Variants in ANKAR observed in about 807,000 individuals in gnomAD.
The protein encoded by ANKAR is ankyrin and armadillo repeat containing.
In ANKAR, 136 loss-of-function variants were observed where a neutral mutation model predicts 146.2. The ratio of observed to expected loss-of-function variants is 0.93; its 90% CI spans 0.81 to 1.07. ANKAR has a LOEUF of 1.07. Ranked by LOEUF, ANKAR falls within the 50% of genes least tolerant of loss-of-function variation. The probability of loss-of-function intolerance (pLI) is 0.00; values close to 1 mark genes in which losing one functional copy is unlikely to be tolerated. For synonymous variants in ANKAR, 500 were observed against 575.8 expected (o/e 0.87, Z 1.88); for missense variants, 1,567 against 1,679.9 (o/e 0.93, Z 1.18).
chr2:189,711,050 A>C lies in ANKAR; in HGVS notation c.2121A>C (p.Glu707Asp). The C allele has an allele frequency of 1.2e-6, 2 of 1,610,358 alleles. No individual in the cohort carries two copies. Among genetic ancestry groups the C allele is most frequent in the Non-Finnish European group, 1.7e-6 (2 of 1,178,328 alleles). ...PELPVWKTLV[E>D]MLQCESYKRR... ...GTTTTTCTGTTGAACACTTAACAGAAATGTTACAGTGTGAAAGCTATAAAC... is the reference window on the plus strand; with the variant it reads ...GTTTTTCTGTTGAACACTTAACAGACATGTTACAGTGTGAAAGCTATAAAC... Residue 707 changes from glutamate (E) to aspartate (D), a missense_variant and splice_region_variant, in exon 10 of 23, where the codon GAA becomes GAC. Physicochemically the swap from Glu to Asp is conservative, Grantham distance 45. Coordinates refer to ENST00000684021, the MANE Select transcript of ANKAR (RefSeq NM_001378068.1).
At chr2:189,753,918 G>T in intron 18 of ANKAR, 1 of 1,613,150 alleles carries the variant, frequency 6.2e-7, no homozygotes, top group Non-Finnish European at 8.5e-7. Flanking sequence ...AAACTTACCA[G>T]TACTGCATTA....
intron 12 of ANKAR, among the ~76,000 whole-genome samples, chr2:189,723,415 T>C (rs1256811487): frequency 6.6e-6 from 1 of 152,188 alleles, no homozygotes; most frequent in Non-Finnish European, 1.5e-5. Context: ...TCCTGTTCTG[T>C]GTTAATAACA....
intron 10 of ANKAR, among the ~76,000 whole-genome samples, chr2:189,718,348 A>G (rs905271516): frequency 2.0e-5 from 2 of 100,474 alleles, no homozygotes; most frequent in Admixed American, 1.3e-4. Flanking sequence ...CTAGCTATCT[A>G]TCTACACACA....
intron 20 of ANKAR, among the ~76,000 whole-genome samples, chr2:189,742,905 GACACACACACACACACACACAC>G (rs397987025): frequency 0.024 from 791 of 33,498 alleles, 11 homozygotes; most frequent in South Asian, 0.035. Context: ...AGAATTACCT[GACACACACACACACACACACAC>G]ACACACACAC....
rs370895493 is a variant in ANKAR at position 189,754,374 on chromosome 2, A to G, written c.*585-6724A>G. 2.8e-5 allele frequency: 43 copies of G among 1,544,854 alleles called. No homozygotes were observed. In the East Asian group the frequency reaches 3.2e-4, roughly 11 times the overall value. On this transcript the variant is annotated intron_variant and NMD_transcript_variant, in intron 18 of 18. Transcript: ENST00000441800. ...TCAAAGAAACATATTTTTTAGAGTC[A>G]TAAAATTAAATACTGTGAAACGAAA...
Position 189,746,390 on chromosome 2 carries a change from C to T in ANKAR, c.4068C>T (p.His1356=). ...IIPIFKRGKE[H]RRKLKPKIQP... ...GTGGCTAATTTTTAGGGAAGGAGCACCGAAGAAAATTAAAACCTAAAATTC... is the reference window on the plus strand; with the variant it reads ...GTGGCTAATTTTTAGGGAAGGAGCATCGAAGAAAATTAAAACCTAAAATTC... The change falls in exon 23 of 23, where the codon CAC becomes CAT. Residue 1356 remains histidine, a synonymous_variant. Coordinates refer to ENST00000684021, the MANE Select transcript of ANKAR (RefSeq NM_001378068.1). 1 of 1,604,920 alleles carries T rather than the reference C, an allele frequency of 6.2e-7. No individual in the cohort carries two copies. Among genetic ancestry groups the T allele is most frequent in the Non-Finnish European group, 8.5e-7 (1 of 1,177,514 alleles).
intron 18 of ANKAR, 49 bp from the exon 19 acceptor site, chr2:189,738,516 A>AATTACAC (rs763027749): frequency 8.9e-7 from 1 of 1,121,336 alleles, no homozygotes; most frequent in African/African-American, 1.6e-5. Context: ...TAATTAGAGA[A>AATTACAC]GCTGAGTAGA....
At chr2:189,700,204 C>T (rs1047122809) in intron 7 of ANKAR, among the ~76,000 whole-genome samples, 2 of 152,122 alleles carry the variant, frequency 1.3e-5, no homozygotes, top group African/African-American at 4.8e-5. Context: ...CTTTATTCCT[C>T]ATTCACTTTT....
intron 10 of ANKAR, among the ~76,000 whole-genome samples, chr2:189,716,093 A>G (rs940118374): frequency 1.3e-5 from 2 of 151,870 alleles, no homozygotes; most frequent in East Asian, 2.0e-4. Flanking sequence ...GGCCAGGGCA[A>G]TCAGGCAAGA....
At chr2:189,740,819 G>A (rs1211307491) in intron 19 of ANKAR, among the ~76,000 whole-genome samples, 3 of 151,728 alleles carry the variant, frequency 2.0e-5, no homozygotes, top group East Asian at 1.9e-4. Flanking sequence ...TCAGCCTCCC[G>A]AGTAGCTGGG....
chr2:189,689,491 T>C (rs764126893), intron 2 of ANKAR, 36 bp from the exon 3 acceptor site: 9 of 1,496,142 alleles, frequency 6.0e-6, no homozygotes, highest in Non-Finnish European at 8.1e-6. Context: ...AATATGAAAT[T>C]TTCACTATCT....
downstream of ANKAR, chr2:189,762,741 G>T (rs1338613736): frequency 2.0e-6 from 2 of 985,464 alleles, no homozygotes; most frequent in African/African-American, 1.7e-5. Flanking sequence ...AAAGACTGTC[G>T]ACTGCCCTTA....
At chr2:189,730,260 T>C (rs2042285286) in intron 15 of ANKAR, among the ~76,000 whole-genome samples, 1 of 152,238 alleles carries the variant, frequency 6.6e-6, no homozygotes, top group South Asian at 2.1e-4. Context: ...TTCCTTTGCT[T>C]TGTGACTTTT....
chr2:189,761,925 A>C (rs1454917537), downstream of ANKAR, among the ~76,000 whole-genome samples: 1 of 152,192 alleles, frequency 6.6e-6, no homozygotes, highest in Non-Finnish European at 1.5e-5. Context: ...TAAGACAGCT[A>C]ATATAAAGTA....
chr2:189,751,075 T>G (rs1041733244), downstream of ANKAR, among the ~76,000 whole-genome samples: 1 of 152,228 alleles, frequency 6.6e-6, no homozygotes, highest in Non-Finnish European at 1.5e-5. Flanking sequence ...CTCTGAAGTT[T>G]CAAAAGCTGC....
intron 7 of ANKAR, among the ~76,000 whole-genome samples, chr2:189,702,524 C>T (rs2038225147): frequency 6.6e-6 from 1 of 152,160 alleles, no homozygotes; most frequent in Non-Finnish European, 1.5e-5. Flanking sequence ...CCATTTGTCT[C>T]TCCAATTTTG....
intron 18 of ANKAR, among the ~76,000 whole-genome samples, chr2:189,758,803 T>C (rs1416914798): frequency 1.3e-5 from 2 of 152,132 alleles, no homozygotes; most frequent in East Asian, 3.8e-4. Flanking sequence ...CACAAGCAAA[T>C]GTATAAATTG....
intron 18 of ANKAR, chr2:189,755,280 G>A: frequency 6.2e-7 from 1 of 1,613,026 alleles, no homozygotes; most frequent in South Asian, 1.1e-5. Context: ...GAAATCAAAA[G>A]AACTAAAAAA....
At chr2:189,757,718 C>T (rs2046292832) in intron 18 of ANKAR, among the ~76,000 whole-genome samples, 1 of 152,154 alleles carries the variant, frequency 6.6e-6, no homozygotes, top group African/African-American at 2.4e-5. Flanking sequence ...TGTTCAAAGG[C>T]AAGAGTCATA....
Sources: allele counts gnomAD v4.1 joint callset (sites outside exome capture counted in the v4.1 genomes callset), GRCh38; gene constraint gnomAD v4.1.1; transcripts MANE v1.5; gene names NCBI Gene and HGNC (gene_info 2026-07-23, HGNC 2026-07-21).